ANGPT2: variants seen among roughly 807,000 people sequenced by gnomAD.
ANGPT2 encodes angiopoietin 2, also known as angiopoietin-2.
Under a neutral mutation model 62.9 loss-of-function variants are expected in ANGPT2, and 28 were observed. The ratio of observed to expected loss-of-function variants is 0.44; its 90% CI spans 0.33 to 0.61. ANGPT2 has a LOEUF of 0.61. Among genes scored for constraint, ANGPT2 ranks in the 20% least tolerant of loss-of-function variants. The pLI is 0.03. For synonymous variants in ANGPT2, 284 were observed against 207.8 expected (o/e 1.37, Z -3.15); for missense variants, 727 against 594.9 (o/e 1.22, Z -2.31).
intron 5 of ANGPT2, among the ~76,000 whole-genome samples, chr8:6,519,323 A>G (rs1167431222): frequency 6.6e-6 from 1 of 152,206 alleles, no homozygotes; most frequent in African/African-American, 2.4e-5. Context: ...AGATAGAGCA[A>G]AAACCATGGT....
chr8:6,532,641 T>C (rs1031304), intron 1 of ANGPT2, among the ~76,000 whole-genome samples, 154 bp from the exon 2 acceptor site: 12,944 of 152,066 alleles, frequency 0.085, 588 homozygotes, highest in African/African-American at 0.12. Context: ...CTTACTATTT[T>C]TTTTTATCAT....
intron 1 of ANGPT2, among the ~76,000 whole-genome samples, chr8:6,550,576 G>A (rs1823465013): frequency 6.6e-6 from 1 of 152,196 alleles, no homozygotes; most frequent in African/African-American, 2.4e-5. Context: ...GTGTGCTTCT[G>A]GTGTGACAGC....
At chr8:6,547,467 C>T (rs1387313619) in intron 1 of ANGPT2, among the ~76,000 whole-genome samples, 2 of 152,114 alleles carry the variant, frequency 1.3e-5, no homozygotes, top group Non-Finnish European at 2.9e-5. Flanking sequence ...TCAGAACTGA[C>T]GTTTTCTTCT....
At chr8:6,515,232 C>CT in intron 5 of ANGPT2, among the ~76,000 whole-genome samples, 1 of 152,112 alleles carries the variant, frequency 6.6e-6, no homozygotes, top group South Asian at 2.1e-4. Context: ...CCACAGAGAG[C>CT]TATGTGAAGG....
chr8:6,509,909 G>A (rs974435524), intron 7 of ANGPT2, among the ~76,000 whole-genome samples: 1 of 152,266 alleles, frequency 6.6e-6, no homozygotes, highest in East Asian at 1.9e-4. Flanking sequence ...CCTGTGGCTC[G>A]CTGCCGCTGC....
At chr8:6,560,084 A>G (rs1265474896) in intron 1 of ANGPT2, among the ~76,000 whole-genome samples, 3 of 152,220 alleles carry the variant, frequency 2.0e-5, no homozygotes, top group Admixed American at 6.5e-5. Flanking sequence ...TTGCCCTAAA[A>G]TGAACCAGAA....
chr8:6,524,180 G>C (rs888122039), intron 3 of ANGPT2, among the ~76,000 whole-genome samples: 1 of 152,104 alleles, frequency 6.6e-6, no homozygotes, highest in Non-Finnish European at 1.5e-5. Context: ...TGTTTTAAAG[G>C]AAGGGGACCT....
intron 5 of ANGPT2, among the ~76,000 whole-genome samples, chr8:6,515,456 T>C (rs1816071086): frequency 6.6e-6 from 1 of 152,214 alleles, no homozygotes; most frequent in Non-Finnish European, 1.5e-5. Flanking sequence ...TCTCTGTACA[T>C]AGCTCACTGC....
In ANGPT2 at chr8:6,500,577, T is replaced by G. The variant is rs954379240; in HGVS notation, c.*2524A>C. 6.5e-6 allele frequency: 1 copy of G among 153,362 alleles called. No individual in the cohort carries two copies. The highest frequency in any genetic ancestry group is 2.4e-5 in the African/African-American group (1 of 41,458). The allele number at this position is 153,362 out of a possible 1,614,324, so 9.5% of individuals were successfully genotyped here. A position where few individuals can be genotyped will look rare whatever the true frequency, so the allele number is the denominator to read the frequency against. On this transcript the variant is annotated 3_prime_UTR_variant, in exon 9 of 9. Coordinates refer to ENST00000629816, the MANE Select transcript of ANGPT2 (RefSeq NM_001118887.2). ...TGGTGTTGTTATTTAGCTGTTTGAG[T>G]AGGCCATATGACTAAAACATAACAA...
intron 3 of ANGPT2, among the ~76,000 whole-genome samples, chr8:6,525,615 C>A (rs139842413): frequency 7.2e-5 from 11 of 152,098 alleles, no homozygotes; most frequent in Non-Finnish European, 1.3e-4. Context: ...TGTGAAACAC[C>A]ATTTGCATAT....
rs1250282840 is a variant in ANGPT2, at chr8:6,532,465, T to A, written c.311A>T (p.Asn104Ile). The A allele has an allele frequency of 6.2e-7, 1 of 1,613,598 alleles. No homozygotes were observed. Among genetic ancestry groups the A allele is most frequent in the African/African-American group, 1.3e-5 (1 of 75,026 alleles). The part of the protein sequence containing the change: ...LMKLENYIQD[N>I]MKKEMVEIQQ... ...TATCTCTACCATTTCTTTCTTCATG[T>A]TGTCCTGGATATAATTCTCAAGCTA... is the stretch of plus-strand genomic sequence containing the variant. Residue 104 changes from asparagine (N) to isoleucine (I), a missense_variant, in exon 2 of 9, where the codon AAC becomes ATC. Coordinates refer to ENST00000629816, the MANE Select transcript of ANGPT2 (RefSeq NM_001118887.2).
chr8:6,510,141 T>A (rs1474591831), intron 7 of ANGPT2, among the ~76,000 whole-genome samples: 1 of 148,182 alleles, frequency 6.7e-6, no homozygotes. Flanking sequence ...AAGACAATAT[T>A]TTTGAGGTTG....
chr8:6,510,925 C>A (rs549383329), intron 7 of ANGPT2, among the ~76,000 whole-genome samples: 1 of 152,326 alleles, frequency 6.6e-6, no homozygotes, highest in South Asian at 2.1e-4. Context: ...AGCTCAGTCT[C>A]TAAATGCCTG....
In ANGPT2 at chr8:6,499,847, T is replaced by G; in HGVS notation, c.*3254A>C. 1 of 1,612,664 alleles carries G rather than the reference T, an allele frequency of 6.2e-7. No homozygotes were observed. Among genetic ancestry groups the G allele is most frequent in the Non-Finnish European group, 8.5e-7 (1 of 1,179,638 alleles). On this transcript the variant is annotated 3_prime_UTR_variant, in exon 9 of 9. Coordinates refer to ENST00000629816, the MANE Select transcript of ANGPT2 (RefSeq NM_001118887.2). Reference sequence around the variant, plus strand: ...TAATAAATCTGCTTGTTGTGTCACTTGCAGGTGCTATGGTCTTTAGAATTG... The same window carrying G: ...TAATAAATCTGCTTGTTGTGTCACTGGCAGGTGCTATGGTCTTTAGAATTG...
At chr8:6,505,249 C>CTTATGTATATATAGAATAGATATATTA (rs1813124632) in intron 8 of ANGPT2, among the ~76,000 whole-genome samples, 1 of 16,450 alleles carries the variant, frequency 6.1e-5, no homozygotes, top group Non-Finnish European at 1.3e-4. Flanking sequence ...AATATATATT[C>CTTATGTATATATAGAATAGATATATTA]TTTATATATG....
chr8:6,561,404 A>C (rs1177920901), intron 1 of ANGPT2, among the ~76,000 whole-genome samples: 1 of 152,206 alleles, frequency 6.6e-6, no homozygotes, highest in Non-Finnish European at 1.5e-5. Flanking sequence ...TCATGACTCA[A>C]ATAATAACTT....
chr8:6,563,077 T>C lies in ANGPT2; in HGVS notation c.-143A>G. On this transcript the variant is annotated 5_prime_UTR_variant, in exon 1 of 9. Transcript: ENST00000629816. Reference sequence around the variant, plus strand: ...AATGAAAGTCTTCTCTTTCCTCTTTTTCCAGTAGCAAACCTGGTTTTTACT... The same window carrying C: ...AATGAAAGTCTTCTCTTTCCTCTTTCTCCAGTAGCAAACCTGGTTTTTACT... 1.1e-6 allele frequency: 1 copy of C among 884,302 alleles called. No homozygotes were observed. The highest frequency in any genetic ancestry group is 1.9e-5 in the South Asian group (1 of 52,896). 54.8% of individuals were successfully genotyped at this position (884,302 alleles called of 1,614,324 possible).
chr8:6,523,024 GTCTC>G (rs1239520772), intron 3 of ANGPT2, among the ~76,000 whole-genome samples: 1 of 151,382 alleles, frequency 6.6e-6, no homozygotes, highest in African/African-American at 2.4e-5. Flanking sequence ...TTGAGATGGA[GTCTC>G]GCTCTGTCAC....
chr8:6,553,270 CAT>C (rs1162261020), intron 1 of ANGPT2, among the ~76,000 whole-genome samples: 2 of 152,120 alleles, frequency 1.3e-5, no homozygotes, highest in Non-Finnish European at 2.9e-5. Context: ...CTCTAAAAAA[CAT>C]AGTCTTTTAA....
Sources: allele counts gnomAD v4.1 joint callset (sites outside exome capture counted in the v4.1 genomes callset), GRCh38; gene constraint gnomAD v4.1.1; transcripts MANE v1.5; gene names NCBI Gene and HGNC (gene_info 2026-07-23, HGNC 2026-07-21).